The following OR1J2 variants were observed in gnomAD, a reference collection of about 807,000 sequenced individuals.
OR1J2 encodes olfactory receptor 1J2.
For synonymous variants in OR1J2, 142 were observed against 99.7 expected, an observed-to-expected ratio of 1.42 and a Z score of -2.52; for missense variants, 304 against 246.1, an observed-to-expected ratio of 1.24 and a Z score of -1.57.
At chr9:122,516,155 C>T (rs183137693), downstream of OR1J2, among the ~76,000 whole-genome samples, 4 of 152,088 alleles carry the variant, frequency 2.6e-5, no homozygotes, top group Admixed American at 6.5e-5. Flanking sequence ...ATTTGAATCC[C>T]TTCTGTCTGA....
At chr9:122,523,601 A>G in the OR1J2 span, among the ~76,000 whole-genome samples, 4 of 151,968 alleles carry the variant, frequency 2.6e-5, no homozygotes, top group Admixed American at 2.6e-4. Context: ...AGAAGAGAAT[A>G]CTCTTGAAGG....
chr9:122,572,218 T>G, the OR1J2 span, among the ~76,000 whole-genome samples: 2 of 152,194 alleles, frequency 1.3e-5, no homozygotes, highest in Admixed American at 1.3e-4. Context: ...AGGGCCCACC[T>G]TCAACACTGG....
the OR1J2 span, among the ~76,000 whole-genome samples, chr9:122,529,139 T>C: frequency 6.6e-6 from 1 of 152,204 alleles, no homozygotes; most frequent in Non-Finnish European, 1.5e-5. Context: ...TTTACAACTT[T>C]TCTGAGGGAT....
the OR1J2 span, among the ~76,000 whole-genome samples, chr9:122,467,526 G>T: frequency 3.4e-4 from 51 of 152,212 alleles, no homozygotes; most frequent in African/African-American, 1.2e-3. Flanking sequence ...ATTTAGTGCT[G>T]AATCAAATAC....
the OR1J2 span, among the ~76,000 whole-genome samples, chr9:122,458,210 T>C: frequency 1.3e-5 from 2 of 152,236 alleles, no homozygotes; most frequent in Admixed American, 6.5e-5. Context: ...TCTTAAAATG[T>C]TATTCCCTTG....
At chr9:122,514,407 T>A (rs1828673525), downstream of OR1J2, among the ~76,000 whole-genome samples, 1 of 152,238 alleles carries the variant, frequency 6.6e-6, no homozygotes, top group Non-Finnish European at 1.5e-5. Flanking sequence ...GTTAATTTGC[T>A]TAGGATGATG....
At chr9:122,453,445 T>G in the OR1J2 span, among the ~76,000 whole-genome samples, 1 of 152,186 alleles carries the variant, frequency 6.6e-6, no homozygotes, top group Non-Finnish European at 1.5e-5. Flanking sequence ...TCCCTCTTAG[T>G]ACTCTGGACC....
the OR1J2 span, among the ~76,000 whole-genome samples, chr9:122,460,260 T>A: frequency 1.0e-3 from 155 of 152,144 alleles, 1 homozygote; most frequent in African/African-American, 3.6e-3. Flanking sequence ...TGTGTTCACG[T>A]CCTTGATTCA....
the OR1J2 span, among the ~76,000 whole-genome samples, chr9:122,551,219 T>A: frequency 6.6e-6 from 1 of 152,270 alleles, no homozygotes; most frequent in East Asian, 1.9e-4. Flanking sequence ...AAACCAACAA[T>A]GATACTAGAA....
At chr9:122,542,667 T>A in the OR1J2 span, among the ~76,000 whole-genome samples, 1 of 152,216 alleles carries the variant, frequency 6.6e-6, no homozygotes, top group East Asian at 1.9e-4. Flanking sequence ...TATTTTAAAA[T>A]CAACTTTATT....
the OR1J2 span, among the ~76,000 whole-genome samples, chr9:122,482,469 C>T: frequency 6.6e-6 from 1 of 151,996 alleles, no homozygotes; most frequent in South Asian, 2.1e-4. Context: ...GGAGATTTCT[C>T]AAAAAATTAA....
chr9:122,488,882 T>C, the OR1J2 span, among the ~76,000 whole-genome samples: 1 of 151,886 alleles, frequency 6.6e-6, no homozygotes, highest in Non-Finnish European at 1.5e-5. Flanking sequence ...TACTCTAAGT[T>C]CTGGGGTACA....
chr9:122,485,960 GTTT>G, the OR1J2 span, among the ~76,000 whole-genome samples: 3 of 138,640 alleles, frequency 2.2e-5, no homozygotes, highest in African/African-American at 2.7e-5. Flanking sequence ...TCCCACATAA[GTTT>G]TTTTTTTTTT....
chr9:122,547,728 T>A, the OR1J2 span, among the ~76,000 whole-genome samples: 1 of 152,084 alleles, frequency 6.6e-6, no homozygotes. Flanking sequence ...ATATCTTTGC[T>A]ATTGTGGATA....
chr9:122,509,995 G>C (rs118173061), upstream of OR1J2, among the ~76,000 whole-genome samples: 3 of 152,166 alleles, frequency 2.0e-5, no homozygotes, highest in South Asian at 6.2e-4. Context: ...GGGGCCTGTC[G>C]GGGGGTGCGG....
chr9:122,529,722 A>G, the OR1J2 span, among the ~76,000 whole-genome samples: 1 of 151,830 alleles, frequency 6.6e-6, no homozygotes, highest in African/African-American at 2.4e-5. Context: ...AACTTGGGGC[A>G]ATCCTTCCCT....
At chr9:122,525,215 C>T in the OR1J2 span, among the ~76,000 whole-genome samples, 1 of 152,114 alleles carries the variant, frequency 6.6e-6, no homozygotes, top group African/African-American at 2.4e-5. Flanking sequence ...AAATGGAATC[C>T]TCGCGTACTA....
the OR1J2 span, among the ~76,000 whole-genome samples, chr9:122,574,797 G>A: frequency 1.3e-5 from 2 of 152,014 alleles, no homozygotes; most frequent in Non-Finnish European, 2.9e-5. Context: ...CTAGTTTCTC[G>A]CCATCATGTA....
chr9:122,449,494 C>T, the OR1J2 span, among the ~76,000 whole-genome samples: 3 of 152,076 alleles, frequency 2.0e-5, no homozygotes, highest in African/African-American at 4.8e-5. Flanking sequence ...CTCAGCCTCC[C>T]GAGTAGCTGG....
Sources: allele counts gnomAD v4.1 joint callset (sites outside exome capture counted in the v4.1 genomes callset), GRCh38; gene constraint gnomAD v4.1.1; transcripts MANE v1.5; gene names NCBI Gene and HGNC (gene_info 2026-07-23, HGNC 2026-07-21).